The following GPR180 variants were observed in gnomAD, a reference collection of about 807,000 sequenced individuals.
GPR180 encodes G protein-coupled receptor 180, also known as integral membrane protein GPR180.
GPR180 carries 53 observed loss-of-function variants against 52.6 expected under a neutral mutation model. The observed-to-expected ratio is 1.01, with a 90% CI of 0.81 to 1.27. GPR180 has a LOEUF of 1.27. Among genes scored for constraint, GPR180 ranks in the 50% most tolerant of loss-of-function variants. The pLI is 0.00. For synonymous variants in GPR180, 200 were observed against 193.1 expected (o/e 1.04, Z -0.30); for missense variants, 533 against 527.0 (o/e 1.01, Z -0.11).
intron 5 of GPR180, among the ~76,000 whole-genome samples, chr13:94,619,845 A>G (rs1020357372): frequency 1.1e-4 from 16 of 152,014 alleles, no homozygotes; most frequent in African/African-American, 3.9e-4. Flanking sequence ...AGGCCTTCCC[A>G]GTAGCTGGGA....
intron 7 of GPR180, among the ~76,000 whole-genome samples, chr13:94,624,841 CTT>C: frequency 1.3e-5 from 2 of 151,772 alleles, no homozygotes; most frequent in African/African-American, 4.8e-5. Flanking sequence ...CGCACCCAGC[CTT>C]TCTTTTTTAA....
At position 94,605,125 on chromosome 13, in the gene GPR180, A is replaced by G. The variant is rs115421983; in HGVS notation, c.146-266A>G. ...TGAGGCAAAAATTTTAATACAGTGA[A>G]TTGTTCAAATACCCCAGATATTGCG... On this transcript the variant is annotated intron_variant, in intron 1 of 8. Coordinates refer to ENST00000376958, the MANE Select transcript of GPR180 (RefSeq NM_180989.6). Among the ~76,000 whole-genome samples, 402 of 152,298 alleles carry G rather than the reference A, an allele frequency of 2.6e-3. 2 individuals carry two copies. The highest frequency in any genetic ancestry group is 9.2e-3 in the African/African-American group (382 of 41,562).
chr13:94,609,138 C>T (rs1430699735), intron 2 of GPR180, among the ~76,000 whole-genome samples: 1 of 152,122 alleles, frequency 6.6e-6, no homozygotes, highest in Admixed American at 6.6e-5. Context: ...ACATATTATG[C>T]ATATGATTCC....
chr13:94,623,354 TCTTTGGGAAGTTAATAAACA>T, intron 7 of GPR180, 54 bp downstream of exon 7: 2 of 1,418,296 alleles, frequency 1.4e-6, no homozygotes, highest in Non-Finnish European at 2.0e-6. Context: ...GGTTCTGGTT[TCTTTGGGAAGTTAATAAACA>T]ACTACATGCT....
chr13:94,604,304 A>G (rs142754037), intron 1 of GPR180, among the ~76,000 whole-genome samples: 2 of 151,634 alleles, frequency 1.3e-5, no homozygotes, highest in Admixed American at 1.3e-4. Flanking sequence ...ATTGCACTCC[A>G]GCCTGGGCAA....
At chr13:94,612,482 C>A in intron 3 of GPR180, 92 bp downstream of exon 3, 2 of 934,712 alleles carry the variant, frequency 2.1e-6, no homozygotes, top group Non-Finnish European at 3.2e-6. Flanking sequence ...AAAATGAAAG[C>A]AACCTGTGTT....
chr13:94,613,295 T>C (rs78099049), intron 3 of GPR180, among the ~76,000 whole-genome samples: 4,215 of 152,266 alleles, frequency 0.028, 197 homozygotes, highest in African/African-American at 0.094. Context: ...TAGCTTAAAC[T>C]GATTGTTTAG....
In GPR180 at chr13:94,606,778, C is replaced by T. The variant is rs142285475; in HGVS notation, c.304+1229C>T. Reference sequence around the variant, plus strand: ...GCAGAGGTCCCCAGTCCTTGCCACCCATTGTGGGGATCTTTAATGTAGATT... The same window carrying T: ...GCAGAGGTCCCCAGTCCTTGCCACCTATTGTGGGGATCTTTAATGTAGATT... On this transcript the variant is annotated intron_variant, in intron 2 of 8. Coordinates refer to ENST00000376958, the MANE Select transcript of GPR180 (RefSeq NM_180989.6). 3.3e-5 allele frequency among the ~76,000 whole-genome samples: 5 copies of T among 152,316 alleles called. No individual in the cohort carries two copies. In the East Asian group the frequency reaches 9.6e-4, roughly 29 times the overall value.
Position 94,629,267 on chromosome 13 carries a change from G to C in GPR180, c.*2096G>C, listed in dbSNP as rs1346226863. 6.6e-6 allele frequency: 1 copy of C among 152,076 alleles called. No homozygotes were observed. Among genetic ancestry groups the C allele is most frequent in the African/African-American group, 2.4e-5 (1 of 41,438 alleles). 9.4% of individuals were successfully genotyped at this position (152,076 alleles called of 1,614,324 possible). The stretch of plus-strand genomic sequence containing the variant: ...GTGTATACTACAAACTCTAATTAAA[G>C]ATAAAAATCTTTTCTACTTTTCTTT... On this transcript the variant is annotated 3_prime_UTR_variant, in exon 9 of 9. Transcript: ENST00000376958.
chr13:94,624,703 C>T (rs1330559936), intron 7 of GPR180, among the ~76,000 whole-genome samples: 2 of 152,016 alleles, frequency 1.3e-5, no homozygotes, highest in East Asian at 1.9e-4. Context: ...CGCCCACGCC[C>T]GGCTAAGTTT....
In GPR180 at chr13:94,628,793, A is replaced by G. The variant is rs1312070960; in HGVS notation, c.*1622A>G. On this transcript the variant is annotated 3_prime_UTR_variant, in exon 9 of 9. Coordinates refer to ENST00000376958, the MANE Select transcript of GPR180 (RefSeq NM_180989.6). ...CTGAGTGGTCATAACCTTTTCTTTT[A>G]TCATGTCTCGCTAATAACCCCAGCT... 6.6e-6 allele frequency: 1 copy of G among 152,044 alleles called. No individual in the cohort carries two copies. Among genetic ancestry groups the G allele is most frequent in the African/African-American group, 2.4e-5 (1 of 41,428 alleles). 9.4% of individuals were successfully genotyped at this position (152,044 alleles called of 1,614,324 possible). A position where few individuals can be genotyped will look rare whatever the true frequency, so the allele number is the denominator to read the frequency against.
rs374280261 is a variant in GPR180 at position 94,627,288 on chromosome 13, C to T, written c.*117C>T. ...GAAAACTTGAACAGCGAAAGCAGAG[C>T]ATGTTATTTATATAACTGCATTTAA... On this transcript the variant is annotated 3_prime_UTR_variant, in exon 9 of 9. Coordinates refer to ENST00000376958, the MANE Select transcript of GPR180 (RefSeq NM_180989.6). 2.1e-4 allele frequency: 164 copies of T among 790,790 alleles called. No homozygotes were observed. In the South Asian group the frequency reaches 2.6e-3, roughly 13 times the overall value. The allele number at this position is 790,790 out of a possible 1,614,324, so 49.0% of individuals were successfully genotyped here.
At position 94,628,788 on chromosome 13, in the gene GPR180, C is replaced by G. The variant is rs1286572422; in HGVS notation, c.*1617C>G. 1 of 151,978 alleles carries G rather than the reference C, an allele frequency of 6.6e-6. No homozygotes were observed. Among genetic ancestry groups the G allele is most frequent in the Non-Finnish European group, 1.5e-5 (1 of 67,910 alleles). The allele number at this position is 151,978 out of a possible 1,614,324, so 9.4% of individuals were successfully genotyped here. On this transcript the variant is annotated 3_prime_UTR_variant, in exon 9 of 9. Coordinates refer to ENST00000376958, the MANE Select transcript of GPR180 (RefSeq NM_180989.6). ...ATCGTCTGAGTGGTCATAACCTTTT[C>G]TTTTATCATGTCTCGCTAATAACCC...
chr13:94,626,576 A>G (rs970365863), intron 8 of GPR180, among the ~76,000 whole-genome samples: 4 of 152,170 alleles, frequency 2.6e-5, no homozygotes, highest in African/African-American at 9.6e-5. Context: ...GGTGTTTACA[A>G]AGGGTGAATA....
At position 94,612,171 on chromosome 13, in the gene GPR180, GT is replaced by G; in HGVS notation, c.305-15del. 1 of 1,600,852 alleles carries G rather than the reference GT, an allele frequency of 6.2e-7. No individual in the cohort carries two copies. Among genetic ancestry groups the G allele is most frequent in the Non-Finnish European group, 8.6e-7 (1 of 1,169,508 alleles). On this transcript the variant is annotated intron_variant, in intron 2 of 8. Coordinates refer to ENST00000376958, the MANE Select transcript of GPR180 (RefSeq NM_180989.6). ...ATTTGAGAATTTTGTTACAAAAGGT[GT>G]TTTCTTTCTCTTTAAAGTGACCATG...
Position 94,632,418 on chromosome 13 carries a change from A to AATT in GPR180, c.*5247_*5248insATT, listed in dbSNP as rs1890010787. On this transcript the variant is annotated 3_prime_UTR_variant, in exon 9 of 9. Transcript: ENST00000376958. Reference sequence around the variant, plus strand: ...TATAGCATAACATACAGACTTTTGCACATTCAGCAATTTATTCTGTAGCCT... The same window carrying AATT: ...TATAGCATAACATACAGACTTTTGCAATTCATTCAGCAATTTATTCTGTAGCCT... 6.6e-6 allele frequency: 1 copy of AATT among 152,330 alleles called. No individual in the cohort carries two copies. Among genetic ancestry groups the AATT allele is most frequent in the Non-Finnish European group, 1.5e-5 (1 of 68,028 alleles). 9.4% of individuals were successfully genotyped at this position (152,330 alleles called of 1,614,324 possible).
intron 1 of GPR180, among the ~76,000 whole-genome samples, chr13:94,605,036 G>T (rs1220367558): frequency 1.3e-5 from 2 of 152,086 alleles, no homozygotes; most frequent in Non-Finnish European, 2.9e-5. Context: ...TTAAAAAACA[G>T]AAACTTTGGT....
rs556303418 is a variant in GPR180, at chr13:94,601,902, G to T, written c.-26G>T. 6 of 1,392,214 alleles carry T rather than the reference G, an allele frequency of 4.3e-6. No homozygotes were observed. The East Asian group carries it at 1.8e-4, about 42-fold the overall frequency. 86.2% of individuals were successfully genotyped at this position (1,392,214 alleles called of 1,614,324 possible). The stretch of plus-strand genomic sequence containing the variant: ...CAGCCGCCGGCGGCTGGGAGCCGAG[G>T]CGTCGGTGCAGACCTGGAGACGGGC... On this transcript the variant is annotated 5_prime_UTR_variant, in exon 1 of 9. Transcript: ENST00000376958.
At chr13:94,610,440 T>A (rs1448284415) in intron 2 of GPR180, among the ~76,000 whole-genome samples, 2 of 152,208 alleles carry the variant, frequency 1.3e-5, no homozygotes, top group African/African-American at 4.8e-5. Context: ...TCATGCTCTT[T>A]CCATATACTT....
Sources: allele counts gnomAD v4.1 joint callset (sites outside exome capture counted in the v4.1 genomes callset), GRCh38; gene constraint gnomAD v4.1.1; transcripts MANE v1.5; gene names NCBI Gene and HGNC (gene_info 2026-07-23, HGNC 2026-07-21).